The following GREM2 variants were observed in gnomAD, a reference collection of about 807,000 sequenced individuals.
GREM2 encodes gremlin-2.
GREM2 carries 11 observed loss-of-function variants against 14.2 expected under a neutral mutation model. The observed-to-expected ratio is 0.78, with a 90% CI of 0.49 to 1.28. The LOEUF is 1.28. Ranked by LOEUF, GREM2 falls within the 50% of genes most tolerant of loss-of-function variation. The pLI is 0.00. For synonymous variants in GREM2, 98 were observed against 97.6 expected (o/e 1.00, Z -0.02); for missense variants, 210 against 218.5 (o/e 0.96, Z 0.24).
intron 1 of GREM2, among the ~76,000 whole-genome samples, chr1:240,533,781 G>A (rs1050060359): frequency 6.6e-6 from 1 of 152,202 alleles, no homozygotes; most frequent in African/African-American, 2.4e-5. Context: ...TGCCTCCAGG[G>A]TTTCTGATTT....
intron 1 of GREM2, among the ~76,000 whole-genome samples, chr1:240,517,792 C>A (rs1318733542): frequency 1.3e-5 from 2 of 152,122 alleles, no homozygotes; most frequent in East Asian, 3.8e-4. Flanking sequence ...CTTGGCTATT[C>A]CAGAACTCTC....
At chr1:240,575,190 G>C (rs1397892080) in intron 1 of GREM2, among the ~76,000 whole-genome samples, 1 of 152,020 alleles carries the variant, frequency 6.6e-6, no homozygotes, top group Non-Finnish European at 1.5e-5. Flanking sequence ...TCTGTTCCTT[G>C]ATGTGCCTCC....
intron 1 of GREM2, among the ~76,000 whole-genome samples, chr1:240,536,404 C>G (rs1037941759): frequency 6.6e-6 from 1 of 152,164 alleles, no homozygotes; most frequent in African/African-American, 2.4e-5. Context: ...GTTAATTTGT[C>G]TCTAACCCTA....
At chr1:240,556,768 G>A (rs1201809266) in intron 1 of GREM2, among the ~76,000 whole-genome samples, 1 of 152,146 alleles carries the variant, frequency 6.6e-6, no homozygotes, top group African/African-American at 2.4e-5. Flanking sequence ...AGATAAACTT[G>A]AAGAAATCTC....
intron 1 of GREM2, among the ~76,000 whole-genome samples, chr1:240,595,347 A>T (rs1040474578): frequency 3.3e-5 from 5 of 152,082 alleles, no homozygotes; most frequent in Non-Finnish European, 7.4e-5. Flanking sequence ...AAAGTGAAGT[A>T]TGTGCTTTCT....
chr1:240,537,034 T>G (rs183408167), intron 1 of GREM2, among the ~76,000 whole-genome samples: 1 of 152,324 alleles, frequency 6.6e-6, no homozygotes, highest in African/African-American at 2.4e-5. Flanking sequence ...TTAGATACAT[T>G]AGTGAAAGCA....
chr1:240,583,421 T>A (rs1232673622), intron 1 of GREM2, among the ~76,000 whole-genome samples: 1 of 152,210 alleles, frequency 6.6e-6, no homozygotes, highest in African/African-American at 2.4e-5. Context: ...TTTCCATTCA[T>A]GGAATAGCAC....
At chr1:240,536,361 C>T (rs886664713) in intron 1 of GREM2, among the ~76,000 whole-genome samples, 8 of 152,176 alleles carry the variant, frequency 5.3e-5, no homozygotes, top group Middle Eastern at 3.2e-3. Flanking sequence ...GCCAAGCACA[C>T]AGGGGGATGC....
At chr1:240,515,415 G>T (rs1677931932) in intron 1 of GREM2, among the ~76,000 whole-genome samples, 3 of 152,118 alleles carry the variant, frequency 2.0e-5, no homozygotes, top group Admixed American at 6.6e-5. Context: ...TTAAAATAAT[G>T]TGTTACTTTC....
intron 1 of GREM2, among the ~76,000 whole-genome samples, chr1:240,547,932 GA>G (rs1475567516): frequency 1.3e-5 from 2 of 151,998 alleles, no homozygotes. Flanking sequence ...GATGGGAGAA[GA>G]AAGAGAAAGG....
At chr1:240,566,772 A>T (rs762067676) in intron 1 of GREM2, among the ~76,000 whole-genome samples, 1 of 152,216 alleles carries the variant, frequency 6.6e-6, no homozygotes, top group African/African-American at 2.4e-5. Flanking sequence ...AGTACCCAGC[A>T]GGGTCAAATT....
At chr1:240,548,035 G>T (rs983103474) in intron 1 of GREM2, among the ~76,000 whole-genome samples, 2 of 152,088 alleles carry the variant, frequency 1.3e-5, no homozygotes, top group African/African-American at 4.8e-5. Flanking sequence ...GCCAAGGTGG[G>T]TGGATCATCT....
intron 1 of GREM2, among the ~76,000 whole-genome samples, chr1:240,606,610 G>T (rs909349969): frequency 1.3e-4 from 19 of 151,394 alleles, no homozygotes; most frequent in African/African-American, 4.6e-4. Flanking sequence ...TATCTTTTCA[G>T]TACTTGTAAG....
chr1:240,561,564 A>G (rs2103350715), intron 1 of GREM2, among the ~76,000 whole-genome samples: 1 of 152,266 alleles, frequency 6.6e-6, no homozygotes, highest in Non-Finnish European at 1.5e-5. Flanking sequence ...TTTAAGAATA[A>G]TAAAATTAAA....
intron 1 of GREM2, among the ~76,000 whole-genome samples, chr1:240,526,618 T>C (rs1024621703): frequency 4.6e-5 from 7 of 152,250 alleles, no homozygotes; most frequent in South Asian, 2.1e-4. Context: ...CTATTACTGA[T>C]CTCCCAGGCA....
At chr1:240,610,660 G>A (rs536062698) in intron 1 of GREM2, among the ~76,000 whole-genome samples, 3 of 152,200 alleles carry the variant, frequency 2.0e-5, no homozygotes, top group Non-Finnish European at 4.4e-5. Flanking sequence ...ATGGTGAGTC[G>A]ATTGCGAATT....
At chr1:240,596,850 A>G (rs748057698) in intron 1 of GREM2, among the ~76,000 whole-genome samples, 3 of 152,206 alleles carry the variant, frequency 2.0e-5, no homozygotes, top group Non-Finnish European at 4.4e-5. Context: ...GCTCTGATAG[A>G]AAAACAAACA....
chr1:240,500,956 A>G (rs753888899), intron 1 of GREM2, among the ~76,000 whole-genome samples: 2 of 152,170 alleles, frequency 1.3e-5, no homozygotes, highest in Non-Finnish European at 2.9e-5. Flanking sequence ...CAGTACCAGT[A>G]TCCTTTCCCC....
At chr1:240,579,191 C>G (rs756440390) in intron 1 of GREM2, among the ~76,000 whole-genome samples, 11 of 152,166 alleles carry the variant, frequency 7.2e-5, no homozygotes, top group Non-Finnish European at 1.5e-4. Context: ...GGGAAGCTGG[C>G]AGATTTGTGG....
Sources: allele counts gnomAD v4.1 joint callset (sites outside exome capture counted in the v4.1 genomes callset), GRCh38; gene constraint gnomAD v4.1.1; transcripts MANE v1.5; gene names NCBI Gene and HGNC (gene_info 2026-07-23, HGNC 2026-07-21).